The following AFF3 variants were observed in gnomAD, a reference collection of about 807,000 sequenced individuals.
The protein encoded by AFF3 is AF4/FMR2 family member 3.
Under a neutral mutation model 129.7 loss-of-function variants are expected in AFF3, and 32 were observed. The observed-to-expected ratio is 0.25, with a 90% confidence interval of 0.19 to 0.33. The LOEUF (loss-of-function observed/expected upper bound fraction) is 0.33. Ranked by LOEUF, AFF3 falls within the 10% of genes least tolerant of loss-of-function variation. The pLI, the probability that AFF3 is intolerant of heterozygous loss-of-function variation, is 1.00. For synonymous variants in AFF3, 644 were observed against 635.4 expected, an observed-to-expected ratio of 1.01 and a Z score of -0.20; for missense variants, 1,373 against 1,592.0, an observed-to-expected ratio of 0.86 and a Z score of 2.34.
At chr2:99,816,040 CTT>C (rs75327322) in intron 8 of AFF3, among the ~76,000 whole-genome samples, 18 of 136,132 alleles carry the variant, frequency 1.3e-4, no homozygotes, top group Admixed American at 2.9e-4. Context: ...ATGATCTGTT[CTT>C]TTTTTTTTTT....
intron 10 of AFF3, among the ~76,000 whole-genome samples, chr2:99,735,960 C>A (rs1680220259): frequency 6.6e-6 from 1 of 152,146 alleles, no homozygotes; most frequent in African/African-American, 2.4e-5. Context: ...GTCATATTTT[C>A]ATTATCAATT....
chr2:99,884,762 C>A (rs1245410076), intron 7 of AFF3, among the ~76,000 whole-genome samples: 1 of 151,588 alleles, frequency 6.6e-6, no homozygotes, highest in Non-Finnish European at 1.5e-5. Context: ...TATGTCTATA[C>A]CACTCATCCA....
rs547127857 is a variant in AFF3, at chr2:99,808,007, C to A, written c.921+29470G>T. On this transcript the variant is annotated intron_variant, in intron 8 of 24. Transcript: ENST00000672756. ...TCAGGGGCTGTGTGTTCAGCCATAC[C>A]CATCACCATAGGGTAGGAATCCCTC... is the stretch of plus-strand genomic sequence containing the variant. Among the ~76,000 whole-genome samples the A allele has an allele frequency of 6.6e-5, 10 of 152,222 alleles. No homozygotes were observed. In the South Asian group the frequency reaches 1.0e-3, roughly 16 times the overall value.
At chr2:99,631,457 T>C (rs1182665621) in intron 13 of AFF3, among the ~76,000 whole-genome samples, 1 of 152,206 alleles carries the variant, frequency 6.6e-6, no homozygotes, top group Non-Finnish European at 1.5e-5. Flanking sequence ...TCCAGAACCC[T>C]TTTCATTTTC....
At chr2:99,918,612 T>C (rs1371910947) in intron 7 of AFF3, among the ~76,000 whole-genome samples, 4 of 152,222 alleles carry the variant, frequency 2.6e-5, no homozygotes, top group Non-Finnish European at 5.9e-5. Flanking sequence ...CAAATATTTA[T>C]GAGGTGAGAC....
In AFF3 at chr2:99,876,353, C is replaced by T. The variant is rs553047406; in HGVS notation, c.874-38829G>A. On this transcript the variant is annotated intron_variant, in intron 7 of 24. Transcript: ENST00000672756. ...ACTCTTGATCTTTGCTGCTAAACTT[C>T]TCCTTTTTCCATCCTTCCCGCCTCA... 1.5e-4 allele frequency among the ~76,000 whole-genome samples: 23 copies of T among 152,344 alleles called. No individual in the cohort carries two copies. The South Asian group carries it at 4.8e-3, about 32-fold the overall frequency.
chr2:99,980,830 C>A (rs1039034618), intron 7 of AFF3, among the ~76,000 whole-genome samples: 1 of 152,176 alleles, frequency 6.6e-6, no homozygotes. Flanking sequence ...TTCACTGTAA[C>A]AATTGGAAAA....
chr2:99,816,859 T>C (rs1355128853), intron 8 of AFF3, among the ~76,000 whole-genome samples: 1 of 152,100 alleles, frequency 6.6e-6, no homozygotes, highest in Non-Finnish European at 1.5e-5. Flanking sequence ...TGTGTTCTTC[T>C]TTTCTCCTCC....
chr2:99,871,446 A>G (rs1274498534), intron 7 of AFF3, among the ~76,000 whole-genome samples: 1 of 152,126 alleles, frequency 6.6e-6, no homozygotes, highest in African/African-American at 2.4e-5. Flanking sequence ...TGAATTCTCT[A>G]TGATCCATCG....
rs151319235 is a variant in AFF3, at chr2:99,597,148, G to A, written c.1372-2859C>T. ...GAGCTGCACAGCTACCGGGCTCTAC[G>A]GAGACTAACTTTGTACTCATCTAGG... On this transcript the variant is annotated intron_variant, in intron 14 of 24. Transcript: ENST00000672756. 3.7e-3 allele frequency among the ~76,000 whole-genome samples: 570 copies of A among 152,282 alleles called. 2 individuals carry two copies. Among genetic ancestry groups the A allele is most frequent in the Middle Eastern group, 0.014 (4 of 294 alleles).
rs543422471 is a variant in AFF3 at position 99,726,428 on chromosome 2, G to A, written c.1091+649C>T. On this transcript the variant is annotated intron_variant, in intron 11 of 24. Transcript: ENST00000672756. ...AGCAAACCTGTTATTGACTCTTATG[G>A]AACTAAAATAAAGTCACTTGTTAGC... is the stretch of plus-strand genomic sequence containing the variant. Among the ~76,000 whole-genome samples, 11 of 152,206 alleles carry A rather than the reference G, an allele frequency of 7.2e-5. 1 individual carries two copies. In the East Asian group the frequency reaches 2.1e-3, roughly 29 times the overall value.
intron 21 of AFF3, among the ~76,000 whole-genome samples, chr2:99,559,967 A>G (rs1490346118): frequency 6.6e-6 from 1 of 152,252 alleles, no homozygotes; most frequent in African/African-American, 2.4e-5. Flanking sequence ...TCATTTTCAA[A>G]GTAAGCGGCT....
At chr2:100,066,521 T>C (rs889847488) in intron 4 of AFF3, among the ~76,000 whole-genome samples, 3 of 152,166 alleles carry the variant, frequency 2.0e-5, no homozygotes, top group Admixed American at 1.3e-4. Context: ...TCCTCTTTTA[T>C]TGCAAAGCTA....
intron 4 of AFF3, among the ~76,000 whole-genome samples, chr2:100,019,433 C>T (rs1220595117): frequency 6.6e-6 from 1 of 152,118 alleles, no homozygotes; most frequent in Non-Finnish European, 1.5e-5. Flanking sequence ...ATGTATGGCC[C>T]CAAATGCCTC....
intron 12 of AFF3, among the ~76,000 whole-genome samples, chr2:99,661,966 C>T (rs1309368479): frequency 6.6e-6 from 1 of 152,086 alleles, no homozygotes; most frequent in African/African-American, 2.4e-5. Flanking sequence ...GCGGTGAAAC[C>T]CCGTCTCTAC....
intron 1 of AFF3, among the ~76,000 whole-genome samples, chr2:100,134,498 C>T (rs905802387): frequency 2.0e-5 from 3 of 151,948 alleles, no homozygotes; most frequent in East Asian, 1.9e-4. Flanking sequence ...GTGGCATTTT[C>T]GACAGAGTCA....
intron 8 of AFF3, among the ~76,000 whole-genome samples, chr2:99,799,523 T>C (rs1685782024): frequency 6.6e-6 from 1 of 152,042 alleles, no homozygotes; most frequent in Admixed American, 6.6e-5. Context: ...AGAATCGATA[T>C]TGTTAAGATG....
intron 11 of AFF3, among the ~76,000 whole-genome samples, chr2:99,723,184 G>A (rs149769805): frequency 1.2e-3 from 190 of 152,166 alleles, no homozygotes; most frequent in Non-Finnish European, 1.9e-3. Flanking sequence ...AGATTAAATC[G>A]CTCCTTTCAT....
rs536829097 is a variant in AFF3 at position 99,847,578 on chromosome 2, T to C, written c.874-10054A>G. ...TCTTTTCCCTTCTACTCCCATAAAATGTTCAGAGCCTTGAAAAACAAGGTG... is the reference window on the plus strand; with the variant it reads ...TCTTTTCCCTTCTACTCCCATAAAACGTTCAGAGCCTTGAAAAACAAGGTG... On this transcript the variant is annotated intron_variant, in intron 7 of 24. Transcript: ENST00000672756. Among the ~76,000 whole-genome samples the C allele has an allele frequency of 3.3e-5, 5 of 152,130 alleles. No homozygotes were observed. In the South Asian group the frequency reaches 1.0e-3, roughly 32 times the overall value.
Sources: allele counts gnomAD v4.1 joint callset (sites outside exome capture counted in the v4.1 genomes callset), GRCh38; gene constraint gnomAD v4.1.1; transcripts MANE v1.5; gene names NCBI Gene and HGNC (gene_info 2026-07-23, HGNC 2026-07-21).